Variants in LGALS9C observed in about 807,000 individuals in gnomAD.
LGALS9C encodes the protein galectin-9C.
In LGALS9C, 7 loss-of-function variants were observed where a neutral mutation model predicts 41.3. The observed-to-expected ratio is 0.17, with a 90% CI of 0.10 to 0.32. The LOEUF (loss-of-function observed/expected upper bound fraction) is 0.32. LGALS9C is among the 10% of genes least tolerant of loss of function. LGALS9C has a pLI of 1.00. For missense variants in LGALS9C, 102 were observed against 455.2 expected (o/e 0.22, Z 7.06); for synonymous variants, 44 against 171.0 (o/e 0.26, Z 5.80).
chr17:18,489,851 C>G (rs1433547712), intron 5 of LGALS9C: 1 of 114,484 alleles, frequency 8.7e-6, no homozygotes, highest in African/African-American at 3.2e-5. Flanking sequence ...GTGGGTCGTT[C>G]ATTTGCACAG....
rs1249860255 is a variant in LGALS9C at position 18,493,370 on chromosome 17, T to C, written c.924+511T>C. ...CAGAAAGCAAAACAGAGCGATGAGA[T>C]AGAGCGAGCCTGGGAGGGGCAGCTA... On this transcript the variant is annotated intron_variant, in intron 10 of 10. Transcript: ENST00000328114. Among the ~76,000 whole-genome samples, 54 of 118,040 alleles carry C rather than the reference T, an allele frequency of 4.6e-4. 14 individuals are homozygous for C. The highest frequency in any genetic ancestry group is 8.9e-4 in the Non-Finnish European group (45 of 50,596). The allele number at this position is 118,040 out of a possible 152,430, so 77.4% of individuals were successfully genotyped here. A position where few individuals can be genotyped will look rare whatever the true frequency, so the allele number is the denominator to read the frequency against.
At chr17:18,487,614 A>G (rs200433251) in intron 3 of LGALS9C, 33 bp from the exon 4 acceptor site, 106,007 of 1,302,740 alleles carry the variant, frequency 0.081, 918 homozygotes, top group African/African-American at 0.23. Context: ...GGCCTGGGGC[A>G]CCTCCCCCGA....
chr17:18,494,528 C>T lies in LGALS9C; in HGVS notation c.*161C>T. 1 of 1,166,754 alleles carries T rather than the reference C, an allele frequency of 8.6e-7. No individual in the cohort carries two copies. The highest frequency in any genetic ancestry group is 1.2e-6 in the Non-Finnish European group (1 of 833,106). 72.3% of individuals were successfully genotyped at this position (1,166,754 alleles called of 1,614,324 possible). ...GGTCCTGCTTCTGGCTACAGCCACC[C>T]TGGAATCGAGAAGGCAGCTGACTGG... On this transcript the variant is annotated 3_prime_UTR_variant, in exon 11 of 11. Coordinates refer to ENST00000328114, the MANE Select transcript of LGALS9C (RefSeq NM_001040078.3).
intron 1 of LGALS9C, among the ~76,000 whole-genome samples, chr17:18,477,346 GC>G (rs1273353194): frequency 8.3e-6 from 1 of 120,970 alleles, no homozygotes; most frequent in South Asian, 2.6e-4. Context: ...TAATACTTGA[GC>G]CCCCCACTCC....
At chr17:18,483,158 A>T (rs1388745391) in intron 1 of LGALS9C, among the ~76,000 whole-genome samples, 1 of 122,500 alleles carries the variant, frequency 8.2e-6, no homozygotes, top group Non-Finnish European at 2.0e-5. Context: ...CATGGCCCAT[A>T]GCTCCTTTAA....
At chr17:18,482,984 A>C (rs559044962) in intron 1 of LGALS9C, among the ~76,000 whole-genome samples, 4 of 124,628 alleles carry the variant, frequency 3.2e-5, no homozygotes, top group African/African-American at 1.0e-4. Flanking sequence ...TTCTCACAAA[A>C]TCATCAATCA....
chr17:18,487,633 C>G lies in LGALS9C; in HGVS notation c.334-14C>G. The G allele has an allele frequency of 2.1e-6, 3 of 1,445,996 alleles. 1 individual carries two copies. The highest frequency in any genetic ancestry group is 2.8e-6 in the Non-Finnish European group (3 of 1,056,296). The allele number at this position is 1,445,996 out of a possible 1,614,324, so 89.6% of individuals were successfully genotyped here. A position where few individuals can be genotyped will look rare whatever the true frequency, so the allele number is the denominator to read the frequency against. Reference sequence around the variant, plus strand: ...TGGGGCACCTCCCCCGAAATACGTGCTCTCCTCTGGCAGGTGATGGTGAAC... The same window carrying G: ...TGGGGCACCTCCCCCGAAATACGTGGTCTCCTCTGGCAGGTGATGGTGAAC... On this transcript the variant is annotated splice_polypyrimidine_tract_variant and intron_variant, in intron 3 of 10. Coordinates refer to ENST00000328114, the MANE Select transcript of LGALS9C (RefSeq NM_001040078.3).
At position 18,491,206 on chromosome 17, in the gene LGALS9C, C is replaced by T. The variant is rs890039310; in HGVS notation, c.577-67C>T. ...TGGAGGGTGCCTGCCGTGTGGCACCCTCTGGTGGGAGCTGGGGTGGTCTTT... is the reference window on the plus strand; with the variant it reads ...TGGAGGGTGCCTGCCGTGTGGCACCTTCTGGTGGGAGCTGGGGTGGTCTTT... On this transcript the variant is annotated intron_variant, in intron 6 of 10. Coordinates refer to ENST00000328114, the MANE Select transcript of LGALS9C (RefSeq NM_001040078.3). The T allele has an allele frequency of 6.0e-5, 80 of 1,335,620 alleles. 10 individuals carry two copies. The Admixed American group carries it at 1.4e-3, about 24-fold the overall frequency. The allele number at this position is 1,335,620 out of a possible 1,614,324, so 82.7% of individuals were successfully genotyped here. A position where few individuals can be genotyped will look rare whatever the true frequency, so the allele number is the denominator to read the frequency against.
rs1447174560 is a variant in LGALS9C at position 18,481,119 on chromosome 17, AC to A, written c.40-2753del. On this transcript the variant is annotated intron_variant, in intron 1 of 10. Transcript: ENST00000328114. ...CTCCAGCCTGGGCAACAGAGTGAGAACCCATCTCAAAATAAAATAAAATAAA... is the reference window on the plus strand; with the variant it reads ...CTCCAGCCTGGGCAACAGAGTGAGAACCATCTCAAAATAAAATAAAATAAA... 4.7e-5 allele frequency among the ~76,000 whole-genome samples: 6 copies of A among 127,380 alleles called. 1 individual carries two copies. Among genetic ancestry groups the A allele is most frequent in the African/African-American group, 1.5e-4 (6 of 39,094 alleles). 83.6% of individuals were successfully genotyped at this position (127,380 alleles called of 152,430 possible).
At position 18,484,746 on chromosome 17, in the gene LGALS9C, C is replaced by T. The variant is rs537462324; in HGVS notation, c.131+780C>T. On this transcript the variant is annotated intron_variant, in intron 2 of 10. Coordinates refer to ENST00000328114, the MANE Select transcript of LGALS9C (RefSeq NM_001040078.3). Reference sequence around the variant, plus strand: ...CGGACCTCTCTTAAGACCCTCTGGGCCTCGTAGATGCCAGCTCAACCTCAG... The same window carrying T: ...CGGACCTCTCTTAAGACCCTCTGGGTCTCGTAGATGCCAGCTCAACCTCAG... Among the ~76,000 whole-genome samples, 5 of 151,144 alleles carry T rather than the reference C, an allele frequency of 3.3e-5. No homozygotes were observed. The East Asian group carries it at 7.7e-4, about 23-fold the overall frequency.
chr17:18,492,648 G>A (rs767545487), intron 9 of LGALS9C, 49 bp from the exon 10 acceptor site: 8 of 1,515,088 alleles, frequency 5.3e-6, no homozygotes, highest in Non-Finnish European at 7.3e-6. Flanking sequence ...GGGAGGAAAT[G>A]GGGCTCAGAA....
At chr17:18,492,379 G>C (rs1989843968) in intron 8 of LGALS9C, 78 bp from the exon 9 acceptor site, 1 of 1,500,526 alleles carries the variant, frequency 6.7e-7, no homozygotes, top group Non-Finnish European at 9.2e-7. Flanking sequence ...AAATTCATGG[G>C]AACTGGTACA....
chr17:18,476,833 T>C lies in LGALS9C; in HGVS notation c.-22T>C. 6.3e-7 allele frequency: 1 copy of C among 1,580,000 alleles called. No individual in the cohort carries two copies. On this transcript the variant is annotated 5_prime_UTR_variant, in exon 1 of 11. Coordinates refer to ENST00000328114, the MANE Select transcript of LGALS9C (RefSeq NM_001040078.3). ...GCCTGGCAGGTGTCAAAGGCAGTGG[T>C]GGCCACAGAGGCGGTGGAGAGATGG...
chr17:18,488,799 C>T lies in LGALS9C; in HGVS notation c.445-142C>T. The T allele has an allele frequency of 5.5e-6, 7 of 1,262,890 alleles. 2 individuals carry two copies. The highest frequency in any genetic ancestry group is 7.7e-6 in the Non-Finnish European group (7 of 907,540). 78.2% of individuals were successfully genotyped at this position (1,262,890 alleles called of 1,614,324 possible). On this transcript the variant is annotated intron_variant, in intron 4 of 10. Transcript: ENST00000328114. ...TCACCGAAGCCTGGCCCTTTCCGCT[C>T]CCGCCTCCGTGTGGCCCTAACCCCC...
intron 1 of LGALS9C, among the ~76,000 whole-genome samples, chr17:18,480,047 AAT>A (rs1989335430): frequency 1.7e-5 from 2 of 115,030 alleles, no homozygotes; most frequent in African/African-American, 5.4e-5. Context: ...CTCTACAAAG[AAT>A]AGACAAAAAT....
Position 18,488,828 on chromosome 17 carries a change from C to G in LGALS9C, c.445-113C>G, listed in dbSNP as rs1324386029. 9.1e-6 allele frequency: 12 copies of G among 1,311,752 alleles called. 1 individual carries two copies. In the African/African-American group the frequency reaches 1.7e-4, roughly 19 times the overall value. 81.3% of individuals were successfully genotyped at this position (1,311,752 alleles called of 1,614,324 possible). A position where few individuals can be genotyped will look rare whatever the true frequency, so the allele number is the denominator to read the frequency against. ...CCTCCGTGTGGCCCTAACCCCCTTG[C>G]TGCATCCCCCTGCCTGCCTGTTCTC... On this transcript the variant is annotated intron_variant, in intron 4 of 10. Transcript: ENST00000328114.
chr17:18,481,380 A>C (rs1728304033), intron 1 of LGALS9C, among the ~76,000 whole-genome samples: 1 of 95,192 alleles, frequency 1.1e-5, no homozygotes, highest in African/African-American at 3.1e-5. Context: ...TGTGGTGTGA[A>C]TACGCTTGAG....
chr17:18,492,905 C>G lies in LGALS9C; in HGVS notation c.924+46C>G, dbSNP rs762862696. 120 of 1,387,400 alleles carry G rather than the reference C, an allele frequency of 8.6e-5. 8 individuals carry two copies. Among genetic ancestry groups the G allele is most frequent in the Non-Finnish European group, 1.1e-4 (114 of 1,005,996 alleles). The allele number at this position is 1,387,400 out of a possible 1,614,324, so 85.9% of individuals were successfully genotyped here. On this transcript the variant is annotated intron_variant, in intron 10 of 10. Transcript: ENST00000328114. ...GCTTGAGGAGGCTCCTATGGGTACACGGGGAGGGGGTAAAGGAGGTCTGGG... is the reference window on the plus strand; with the variant it reads ...GCTTGAGGAGGCTCCTATGGGTACAGGGGGAGGGGGTAAAGGAGGTCTGGG...
chr17:18,476,968 C>T, intron 1 of LGALS9C, 75 bp downstream of exon 1: 1 of 1,363,874 alleles, frequency 7.3e-7, no homozygotes, highest in South Asian at 1.2e-5. Flanking sequence ...GGAAGCAACT[C>T]CTGGGTGGCA....
Sources: gnomAD v4.1 joint callset for allele counts (sites outside exome capture counted in the v4.1 genomes callset) on GRCh38, gnomAD v4.1.1 for gene constraint, MANE v1.5 for transcripts, NCBI Gene and HGNC (gene_info 2026-07-23, HGNC 2026-07-21) for gene names.